DGKB: variants seen among roughly 807,000 people sequenced by gnomAD.
The protein encoded by DGKB is 90 kDa diacylglycerol kinase.
In DGKB, 67 loss-of-function variants were observed where a neutral mutation model predicts 114.3. The observed-to-expected ratio is 0.59, with a 90% CI of 0.48 to 0.72. DGKB has a LOEUF of 0.72. Among genes scored for constraint, DGKB ranks in the 30% least tolerant of loss-of-function variants. The pLI is 0.00. For missense variants in DGKB, 907 were observed against 975.2 expected (o/e 0.93, Z 0.93); for synonymous variants, 398 against 323.1 (o/e 1.23, Z -2.49).
chr7:14,850,402 T>G lies in DGKB; in HGVS notation c.-187-8952A>C, dbSNP rs1849197204. On this transcript the variant is annotated intron_variant, in intron 1 of 25. Coordinates refer to ENST00000402815, the MANE Select transcript of DGKB (RefSeq NM_001350709.2). ...AAAGTTAATGAGAAGAGTTTATTAG[T>G]GAGACTGGTTCAAACTTCAGGAGAG... Among the ~76,000 whole-genome samples the G allele has an allele frequency of 8.5e-5, 13 of 152,148 alleles. 1 individual carries two copies. Among genetic ancestry groups the G allele is most frequent in the Admixed American group, 8.5e-4 (13 of 15,278 alleles).
chr7:14,680,219 A>G (rs1357863), intron 12 of DGKB, among the ~76,000 whole-genome samples: 74,246 of 151,136 alleles, frequency 0.49, 18,663 homozygotes, highest in East Asian at 0.82. Context: ...AGATTGATTA[A>G]TTGACTTATT....
intron 23 of DGKB, among the ~76,000 whole-genome samples, chr7:14,322,974 G>A (rs1808086792): frequency 6.6e-6 from 1 of 152,144 alleles, no homozygotes; most frequent in South Asian, 2.1e-4. Context: ...GCGCAAATCA[G>A]TACAATCACT....
chr7:14,244,669 CAAAAAA>C lies in DGKB; in HGVS notation c.2123-66524_2123-66519del, dbSNP rs34364672. On this transcript the variant is annotated intron_variant, in intron 23 of 25. Transcript: ENST00000402815. ...TGGGTGACAGAGTGAGACTCTGTCTCAAAAAAAAAAAAAAAAAAAAAAAAGGGGTGC... is the reference window on the plus strand; with the variant it reads ...TGGGTGACAGAGTGAGACTCTGTCTCAAAAAAAAAAAAAAAAAAGGGGTGC... Among the ~76,000 whole-genome samples, 60 of 46,400 alleles carry C rather than the reference CAAAAAA, an allele frequency of 1.3e-3. No homozygotes were observed. The South Asian group carries it at 0.014, about 11-fold the overall frequency. The allele number at this position is 46,400 out of a possible 152,430, so 30.4% of individuals were successfully genotyped here.
intron 2 of DGKB, among the ~76,000 whole-genome samples, chr7:14,786,517 G>C (rs574448171): frequency 1.9e-4 from 29 of 152,160 alleles, no homozygotes; most frequent in African/African-American, 7.0e-4. Flanking sequence ...CCCTGGAGCC[G>C]GGGGGAACCA....
At chr7:14,972,348 TG>T (rs1482593217) in intron 1 of DGKB, among the ~76,000 whole-genome samples, 1 of 152,142 alleles carries the variant, frequency 6.6e-6, no homozygotes, top group Non-Finnish European at 1.5e-5. Context: ...AATAATTTTG[TG>T]ACTAACAGAG....
intron 2 of DGKB, among the ~76,000 whole-genome samples, chr7:14,825,011 T>A (rs1216902867): frequency 1.2e-5 from 1 of 81,424 alleles, no homozygotes; most frequent in Admixed American, 1.4e-4. Flanking sequence ...TATATGTATG[T>A]GTATGTATAT....
chr7:14,501,711 A>G (rs1786211081), intron 20 of DGKB, among the ~76,000 whole-genome samples: 1 of 151,952 alleles, frequency 6.6e-6, no homozygotes, highest in Non-Finnish European at 1.5e-5. Flanking sequence ...GTGTTTCCTT[A>G]CTTTTCGAAT....
chr7:14,224,788 T>C (rs1295695952), intron 23 of DGKB, among the ~76,000 whole-genome samples: 1 of 152,026 alleles, frequency 6.6e-6, no homozygotes, highest in African/African-American at 2.4e-5. Flanking sequence ...CCTGCAATGA[T>C]AGTGACTTTT....
intron 1 of DGKB, among the ~76,000 whole-genome samples, chr7:14,845,892 A>G (rs1848564048): frequency 6.6e-6 from 1 of 151,922 alleles, no homozygotes; most frequent in Admixed American, 6.6e-5. Flanking sequence ...GGGTGGCATT[A>G]TTTCACACAT....
intron 21 of DGKB, among the ~76,000 whole-genome samples, chr7:14,418,655 T>C (rs1034015148): frequency 2.6e-5 from 4 of 151,850 alleles, no homozygotes; most frequent in African/African-American, 9.7e-5. Flanking sequence ...AATCTTGGAC[T>C]ATGTTGAAAA....
At chr7:14,875,228 C>G (rs550899337) in intron 1 of DGKB, among the ~76,000 whole-genome samples, 1 of 152,234 alleles carries the variant, frequency 6.6e-6, no homozygotes, top group South Asian at 2.1e-4. Flanking sequence ...TCTCTATAAA[C>G]TACAAACAAA....
chr7:14,211,251 A>G (rs1280507244), intron 23 of DGKB, among the ~76,000 whole-genome samples: 1 of 151,794 alleles, frequency 6.6e-6, no homozygotes, highest in Non-Finnish European at 1.5e-5. Context: ...ACGTGTGACC[A>G]TTACTTCCTC....
chr7:14,555,070 T>C (rs1367783), intron 20 of DGKB, among the ~76,000 whole-genome samples: 56,373 of 151,976 alleles, frequency 0.37, 11,475 homozygotes, highest in South Asian at 0.48. Context: ...TATTTTCTTC[T>C]AATATAAGTG....
intron 21 of DGKB, among the ~76,000 whole-genome samples, chr7:14,427,107 T>G (rs999073769): frequency 6.7e-5 from 10 of 149,862 alleles, no homozygotes; most frequent in Non-Finnish European, 4.5e-5. Context: ...GAGTGGGGGG[T>G]GGGAGAGCAT....
chr7:14,935,534 T>C lies in DGKB; in HGVS notation c.-188+39162A>G, dbSNP rs112271280. Among the ~76,000 whole-genome samples, 873 of 152,272 alleles carry C rather than the reference T, an allele frequency of 5.7e-3. 8 individuals are homozygous for C. Among genetic ancestry groups the C allele is most frequent in the Non-Finnish European group, 0.01 (685 of 68,016 alleles). On this transcript the variant is annotated intron_variant, in intron 1 of 4. Coordinates refer to the DGKB transcript ENST00000437998. Reference sequence around the variant, plus strand: ...ATTTTCAGTCAGGTCATAGTAATCATAAATAGCAGCAGTAATTTTATAGAA... The same window carrying C: ...ATTTTCAGTCAGGTCATAGTAATCACAAATAGCAGCAGTAATTTTATAGAA...
At chr7:14,673,946 T>C (rs1216360009) in intron 12 of DGKB, among the ~76,000 whole-genome samples, 2 of 151,946 alleles carry the variant, frequency 1.3e-5, no homozygotes, top group African/African-American at 4.8e-5. Context: ...TTTTTCCATT[T>C]TGAATCAAAA....
At chr7:14,313,750 C>T (rs930123432) in intron 23 of DGKB, among the ~76,000 whole-genome samples, 4 of 152,150 alleles carry the variant, frequency 2.6e-5, no homozygotes, top group Non-Finnish European at 4.4e-5. Context: ...AACAAAGCAG[C>T]CTGGAAGCTC....
intron 23 of DGKB, among the ~76,000 whole-genome samples, chr7:14,315,586 T>C (rs928272440): frequency 1.3e-5 from 2 of 148,884 alleles, no homozygotes; most frequent in African/African-American, 5.0e-5. Context: ...GAGCTAACTA[T>C]CCTAAATATA....
At chr7:14,650,082 A>T (rs1212613372) in intron 13 of DGKB, among the ~76,000 whole-genome samples, 2 of 151,784 alleles carry the variant, frequency 1.3e-5, no homozygotes, top group South Asian at 4.2e-4. Context: ...CATTGGACAG[A>T]TCAACGAGAC....
Sources: allele counts gnomAD v4.1 joint callset (sites outside exome capture counted in the v4.1 genomes callset), GRCh38; gene constraint gnomAD v4.1.1; transcripts MANE v1.5; gene names NCBI Gene and HGNC (gene_info 2026-07-23, HGNC 2026-07-21).